Variants in DPM2 observed in about 807,000 individuals in gnomAD.
DPM2 encodes dolichyl-phosphate mannosyltransferase subunit 2, regulatory.
A neutral mutation model predicts 12.1 loss-of-function variants in DPM2; 8 were observed. That is an observed-to-expected ratio of 0.66 (90% CI 0.39 to 1.19). The LOEUF is 1.19. Among genes scored for constraint, DPM2 ranks in the 50% most tolerant of loss-of-function variants. DPM2 has a pLI of 0.01. For synonymous variants in DPM2, 38 were observed against 44.7 expected (o/e 0.85, Z 0.60); for missense variants, 93 against 102.5 (o/e 0.91, Z 0.40).
rs1306407408 is a variant in DPM2, at chr9:127,935,227, G to A, written c.*495C>T. ...GTGGCTGCCCTGAGCCCCAGGGCTG[G>A]TCCTGGGGTCTGTCAGTCCTTCCCC... On this transcript the variant is annotated 3_prime_UTR_variant, in exon 4 of 4. Coordinates refer to ENST00000314392, the MANE Select transcript of DPM2 (RefSeq NM_003863.4). 9.8e-6 allele frequency: 2 copies of A among 203,970 alleles called. No homozygotes were observed. The highest frequency in any genetic ancestry group is 4.7e-5 in the African/African-American group (2 of 42,222). 12.6% of individuals were successfully genotyped at this position (203,970 alleles called of 1,614,324 possible).
Position 127,935,884 on chromosome 9 carries a change from T to C in DPM2, c.197-104A>G, listed in dbSNP as rs1469064008. ...CCACCCACACACAGGGCTGTGAACC[T>C]ACCCAACCATCCTCCAGGGAACCTG... On this transcript the variant is annotated intron_variant, in intron 3 of 3. Transcript: ENST00000314392. 5.6e-6 allele frequency: 6 copies of C among 1,076,794 alleles called. No individual in the cohort carries two copies. In the African/African-American group the frequency reaches 6.1e-5, roughly 11 times the overall value. The allele number at this position is 1,076,794 out of a possible 1,614,324, so 66.7% of individuals were successfully genotyped here. A position where few individuals can be genotyped will look rare whatever the true frequency, so the allele number is the denominator to read the frequency against.
At chr9:127,936,133 C>T (rs1450108812) in intron 3 of DPM2, 3 of 724,690 alleles carry the variant, frequency 4.1e-6, no homozygotes, top group Non-Finnish European at 6.5e-6. Flanking sequence ...ATCCACCCAT[C>T]ATCCAGGCAC....
chr9:127,936,299 G>A, intron 3 of DPM2: 3 of 1,450,640 alleles, frequency 2.1e-6, no homozygotes, highest in Non-Finnish European at 2.7e-6. Context: ...TGACAAGAGG[G>A]TGACTGAGGT....
At position 127,935,233 on chromosome 9, in the gene DPM2, G is replaced by A. The variant is rs1831486102; in HGVS notation, c.*489C>T. The A allele has an allele frequency of 4.9e-6, 1 of 204,376 alleles. No individual in the cohort carries two copies. Among genetic ancestry groups the A allele is most frequent in the African/African-American group, 2.4e-5 (1 of 42,224 alleles). 12.7% of individuals were successfully genotyped at this position (204,376 alleles called of 1,614,324 possible). ...GCCCTGAGCCCCAGGGCTGGTCCTG[G>A]GGTCTGTCAGTCCTTCCCCAGGCTT... On this transcript the variant is annotated 3_prime_UTR_variant, in exon 4 of 4. Coordinates refer to ENST00000314392, the MANE Select transcript of DPM2 (RefSeq NM_003863.4).
rs1831531283 is a variant in DPM2, at chr9:127,937,675, T to A, written c.3+143A>T. 27 of 1,267,318 alleles carry A rather than the reference T, an allele frequency of 2.1e-5. No individual in the cohort carries two copies. In the South Asian group the frequency reaches 3.1e-4, roughly 14 times the overall value. 78.5% of individuals were successfully genotyped at this position (1,267,318 alleles called of 1,614,324 possible). On this transcript the variant is annotated intron_variant, in intron 1 of 3. Transcript: ENST00000314392. Reference sequence around the variant, plus strand: ...GATCAGTTTCTAGGCTGGGAGAGAATGCTAGGCCTCCGCGTTGTCGTCCGT... The same window carrying A: ...GATCAGTTTCTAGGCTGGGAGAGAAAGCTAGGCCTCCGCGTTGTCGTCCGT...
At chr9:127,936,872 G>A (rs775827389) in intron 2 of DPM2, 25 of 442,152 alleles carry the variant, frequency 5.7e-5, no homozygotes, top group South Asian at 1.4e-4. Context: ...CCTGCTATAG[G>A]TTGGTGGTGG....
At chr9:127,937,384 C>A (rs1230846518) in intron 2 of DPM2, 50 bp downstream of exon 2, 2 of 1,471,904 alleles carry the variant, frequency 1.4e-6, no homozygotes, top group African/African-American at 1.4e-5. Flanking sequence ...GTTGCTCTGG[C>A]GGTGCCAGGG....
chr9:127,937,659 CTAGGCTGGGAGAGAATGCTAG>C, intron 1 of DPM2, 136 bp from the exon 2 acceptor site: 1 of 1,239,730 alleles, frequency 8.1e-7, no homozygotes, highest in Non-Finnish European at 1.2e-6. Context: ...GGATCAGTTT[CTAGGCTGGGAGAGAATGCTAG>C]GCCTCCGCGT....
Position 127,935,580 on chromosome 9 carries a change from A to C in DPM2, c.*142T>G. On this transcript the variant is annotated 3_prime_UTR_variant, in exon 4 of 4. Transcript: ENST00000314392. ...AGGGGGCTCCAGTCAGTCAGGTGTA[A>C]GCTCCATGCCATGGGGACTCTGCAG... 1 of 822,804 alleles carries C rather than the reference A, an allele frequency of 1.2e-6. No homozygotes were observed. The highest frequency in any genetic ancestry group is 2.0e-6 in the Non-Finnish European group (1 of 500,778). 51.0% of individuals were successfully genotyped at this position (822,804 alleles called of 1,614,324 possible). A position where few individuals can be genotyped will look rare whatever the true frequency, so the allele number is the denominator to read the frequency against.
Position 127,935,915 on chromosome 9 carries a change from C to T in DPM2, c.197-135G>A, listed in dbSNP as rs1460392626. 3 of 774,238 alleles carry T rather than the reference C, an allele frequency of 3.9e-6. No homozygotes were observed. In the African/African-American group the frequency reaches 5.1e-5, roughly 13 times the overall value. The allele number at this position is 774,238 out of a possible 1,614,324, so 48.0% of individuals were successfully genotyped here. On this transcript the variant is annotated intron_variant, in intron 3 of 3. Coordinates refer to ENST00000314392, the MANE Select transcript of DPM2 (RefSeq NM_003863.4). ...ACCATCCTCCAGGGAACCTGCTTAT[C>T]TCCCTAGTCATTCGTCAAGGCATAT...
At chr9:127,936,965 T>C (rs550552177) in intron 2 of DPM2, 1 of 347,538 alleles carries the variant, frequency 2.9e-6, no homozygotes, top group East Asian at 4.4e-5. Context: ...CTCGACTGAC[T>C]CCCAACCTGG....
intron 1 of DPM2, 104 bp downstream of exon 1, chr9:127,937,714 C>T (rs1831532108): frequency 6.9e-7 from 1 of 1,459,154 alleles, no homozygotes; most frequent in East Asian, 2.3e-5. Flanking sequence ...ATAGTGGGGG[C>T]GGGAGAGCAA....
chr9:127,937,585 C>T, intron 1 of DPM2, 62 bp from the exon 2 acceptor site: 1 of 1,408,900 alleles, frequency 7.1e-7, no homozygotes, highest in Non-Finnish European at 9.9e-7. Context: ...CTAATGGAAG[C>T]GGGGCGTCGC....
intron 3 of DPM2, 154 bp from the exon 4 acceptor site, chr9:127,935,934 G>C (rs761118133): frequency 2.2e-4 from 147 of 682,022 alleles, no homozygotes; most frequent in Middle Eastern, 1.0e-3. Flanking sequence ...CATTCGTCAA[G>C]GCATATGTCT....
chr9:127,935,845 A>G (rs1831496358), intron 3 of DPM2, 65 bp from the exon 4 acceptor site: 2 of 1,528,044 alleles, frequency 1.3e-6, no homozygotes, highest in East Asian at 4.5e-5. Context: ...AGGCCAGGGC[A>G]TGACACAGCA....
At chr9:127,936,751 T>C in intron 2 of DPM2, 96 bp from the exon 3 acceptor site, 1 of 1,102,912 alleles carries the variant, frequency 9.1e-7, no homozygotes, top group Non-Finnish European at 1.2e-6. Flanking sequence ...GCTGACCCAT[T>C]CAGAGGACTG....
At chr9:127,936,400 T>C (rs1264264092) in intron 3 of DPM2, 153 bp downstream of exon 3, 2 of 1,567,660 alleles carry the variant, frequency 1.3e-6, no homozygotes, top group African/African-American at 2.7e-5. Flanking sequence ...ACCCAGAGGT[T>C]ACTGACTGGC....
chr9:127,935,828 T>C, intron 3 of DPM2, 48 bp from the exon 4 acceptor site: 1 of 1,595,548 alleles, frequency 6.3e-7, no homozygotes, highest in Non-Finnish European at 8.6e-7. Flanking sequence ...AGCTCAGGGC[T>C]GCTGGGAGGC....
rs1831499913 is a variant in DPM2 at position 127,936,076 on chromosome 9, C to T, written c.197-296G>A. 6 of 589,996 alleles carry T rather than the reference C, an allele frequency of 1.0e-5. No homozygotes were observed. The Admixed American group carries it at 1.9e-4, about 19-fold the overall frequency. 36.5% of individuals were successfully genotyped at this position (589,996 alleles called of 1,614,324 possible). ...CCCGGTCAACCACTTGTCTGTCCAC[C>T]TACATACCTACCCACCTCCTCCTAC... is the stretch of plus-strand genomic sequence containing the variant. On this transcript the variant is annotated intron_variant, in intron 3 of 3. Transcript: ENST00000314392.
Sources: allele counts gnomAD v4.1 joint callset, GRCh38; gene constraint gnomAD v4.1.1; transcripts MANE v1.5; gene names NCBI Gene and HGNC (gene_info 2026-07-23, HGNC 2026-07-21).